The following HS3ST4 variants were observed in gnomAD, a reference collection of about 807,000 sequenced individuals.
HS3ST4 encodes the protein heparan sulfate-glucosamine 3-sulfotransferase 4.
In HS3ST4, 17 loss-of-function variants were observed where a neutral mutation model predicts 29.2. That is an observed-to-expected ratio of 0.58 (90% CI 0.40 to 0.87). The LOEUF is 0.87. Among genes scored for constraint, HS3ST4 ranks in the 40% least tolerant of loss-of-function variants. The pLI, the probability that HS3ST4 is intolerant of heterozygous loss-of-function variation, is 0.00. For missense variants in HS3ST4, 627 were observed against 634.5 expected, an observed-to-expected ratio of 0.99 and a Z score of 0.13; for synonymous variants, 314 against 285.7, an observed-to-expected ratio of 1.10 and a Z score of -1.00.
chr16:25,790,702 G>A (rs1297188060), intron 1 of HS3ST4, among the ~76,000 whole-genome samples: 3 of 151,976 alleles, frequency 2.0e-5, no homozygotes, highest in Non-Finnish European at 4.4e-5. Context: ...TCTCTCATGA[G>A]GTGCATTTTA....
At chr16:25,752,517 A>G (rs542421362) in intron 1 of HS3ST4, among the ~76,000 whole-genome samples, 1 of 152,288 alleles carries the variant, frequency 6.6e-6, no homozygotes, top group East Asian at 1.9e-4. Context: ...GGGAGGAAAA[A>G]AAAGGCAACA....
In HS3ST4 at chr16:25,804,184, A is replaced by G. The variant is rs555104909; in HGVS notation, c.734+111033A>G. Among the ~76,000 whole-genome samples the G allele has an allele frequency of 9.2e-5, 14 of 152,284 alleles. No individual in the cohort carries two copies. In the South Asian group the frequency reaches 2.9e-3, roughly 32 times the overall value. ...TGCTAGGTGTAGTCATGTTAATATGAATATATTTTATATTTCAGGATTTCT... is the reference window on the plus strand; with the variant it reads ...TGCTAGGTGTAGTCATGTTAATATGGATATATTTTATATTTCAGGATTTCT... On this transcript the variant is annotated intron_variant, in intron 1 of 1. Coordinates refer to ENST00000331351, the MANE Select transcript of HS3ST4 (RefSeq NM_006040.3).
chr16:25,764,578 A>G (rs145602420), intron 1 of HS3ST4, among the ~76,000 whole-genome samples: 2 of 152,324 alleles, frequency 1.3e-5, no homozygotes, highest in East Asian at 3.9e-4. Context: ...TGAAAATATC[A>G]TAGTTGCTTT....
intron 1 of HS3ST4, among the ~76,000 whole-genome samples, chr16:25,940,560 G>A (rs564957212): frequency 6.6e-6 from 1 of 152,160 alleles, no homozygotes; most frequent in Non-Finnish European, 1.5e-5. Flanking sequence ...AGCTGGGAGA[G>A]CTCTCATGTT....
intron 1 of HS3ST4, among the ~76,000 whole-genome samples, chr16:25,776,657 G>A (rs772567416): frequency 1.6e-4 from 25 of 152,266 alleles, no homozygotes; most frequent in South Asian, 2.1e-4. Context: ...GGATGATCAT[G>A]CCTACCGGAG....
chr16:25,967,539 C>T (rs147303672), intron 1 of HS3ST4, among the ~76,000 whole-genome samples: 216 of 152,202 alleles, frequency 1.4e-3, no homozygotes, highest in Middle Eastern at 6.8e-3. Context: ...TTAGGATCTG[C>T]GAAAAGAATT....
At chr16:25,901,541 G>A (rs1968119522) in intron 1 of HS3ST4, among the ~76,000 whole-genome samples, 2 of 152,244 alleles carry the variant, frequency 1.3e-5, no homozygotes, top group South Asian at 2.1e-4. Context: ...CGTGGTGGCT[G>A]GTGCACATCT....
At chr16:26,020,456 G>A (rs1463802531) in intron 1 of HS3ST4, among the ~76,000 whole-genome samples, 1 of 152,214 alleles carries the variant, frequency 6.6e-6, no homozygotes, top group African/African-American at 2.4e-5. Flanking sequence ...CCAAACGAGA[G>A]ATGATCAGAA....
At chr16:25,786,612 A>G (rs748016941) in intron 1 of HS3ST4, among the ~76,000 whole-genome samples, 2 of 151,968 alleles carry the variant, frequency 1.3e-5, no homozygotes, top group Non-Finnish European at 2.9e-5. Context: ...TTAACAATGG[A>G]CTCCCCTGAA....
At chr16:25,986,308 A>G (rs1050041785) in intron 1 of HS3ST4, among the ~76,000 whole-genome samples, 2 of 152,206 alleles carry the variant, frequency 1.3e-5, no homozygotes, top group African/African-American at 4.8e-5. Context: ...GGCCTTATGG[A>G]TGGATTAATC....
rs147657637 is a variant in HS3ST4 at position 25,946,456 on chromosome 16, C to A, written c.735-189156C>A. ...TAGTTATGTTCTTGTGTGCTTTGGG[C>A]AACCAGAGTAATCCATTGTCTTCTC... On this transcript the variant is annotated intron_variant, in intron 1 of 1. Coordinates refer to ENST00000331351, the MANE Select transcript of HS3ST4 (RefSeq NM_006040.3). Among the ~76,000 whole-genome samples the A allele has an allele frequency of 2.1e-3, 314 of 152,270 alleles. 1 individual carries two copies. Among genetic ancestry groups the A allele is most frequent in the African/African-American group, 5.9e-3 (247 of 41,554 alleles).
At chr16:25,904,197 T>A (rs556480749) in intron 1 of HS3ST4, among the ~76,000 whole-genome samples, 2 of 151,072 alleles carry the variant, frequency 1.3e-5, no homozygotes, top group South Asian at 2.1e-4. Context: ...GATGGACAGA[T>A]GAATGGATGG....
intron 1 of HS3ST4, among the ~76,000 whole-genome samples, chr16:25,745,453 T>G (rs551757816): frequency 2.0e-5 from 3 of 152,200 alleles, no homozygotes; most frequent in Non-Finnish European, 4.4e-5. Flanking sequence ...ACCATCCTTG[T>G]TAGATTTGCC....
At position 25,692,658 on chromosome 16, in the gene HS3ST4, C is replaced by T; in HGVS notation, c.241C>T (p.Pro81Ser). ...AAAEPPPSPP[P>S]PSLLPTPVRL... is the part of the protein sequence containing the mutation. ...CGCCGAGCCCCCGCCGAGCCCGCCG[C>T]CACCCTCTCTGCTGCCTACCCCCGT... Residue 81 changes from proline (P) to serine (S), a missense_variant, in exon 1 of 2, where the codon CCA becomes TCA. Physicochemically the swap from Pro to Ser is moderately conservative, Grantham distance 74. Coordinates refer to ENST00000331351, the MANE Select transcript of HS3ST4 (RefSeq NM_006040.3). The T allele has an allele frequency of 7.4e-7, 1 of 1,349,592 alleles. No individual in the cohort carries two copies. The highest frequency in any genetic ancestry group is 9.6e-7 in the Non-Finnish European group (1 of 1,042,314). 83.6% of individuals were successfully genotyped at this position (1,349,592 alleles called of 1,614,324 possible). A position where few individuals can be genotyped will look rare whatever the true frequency, so the allele number is the denominator to read the frequency against.
At chr16:25,994,638 T>A (rs3936170) in intron 1 of HS3ST4, among the ~76,000 whole-genome samples, 9,152 of 152,304 alleles carry the variant, frequency 0.06, 325 homozygotes, top group African/African-American at 0.11. Flanking sequence ...ACCTTTTATA[T>A]GTTGTTAATA....
At chr16:26,120,941 C>A (rs114455267) in intron 1 of HS3ST4, among the ~76,000 whole-genome samples, 1 of 152,184 alleles carries the variant, frequency 6.6e-6, no homozygotes, top group Non-Finnish European at 1.5e-5. Context: ...TGTGTAATAG[C>A]GACAATAATT....
chr16:25,798,866 G>C (rs1352170111), intron 1 of HS3ST4, among the ~76,000 whole-genome samples: 9 of 152,142 alleles, frequency 5.9e-5, no homozygotes, highest in African/African-American at 1.9e-4. Context: ...CATCAGACAT[G>C]CCCGTCTGCC....
intron 1 of HS3ST4, among the ~76,000 whole-genome samples, chr16:25,696,568 G>A (rs544788034): frequency 1.3e-5 from 2 of 151,688 alleles, no homozygotes; most frequent in East Asian, 3.9e-4. Context: ...GCGCAATCTC[G>A]TCTCACTGCA....
chr16:25,988,106 G>A (rs1284389929), intron 1 of HS3ST4, among the ~76,000 whole-genome samples: 2 of 152,182 alleles, frequency 1.3e-5, no homozygotes, highest in Non-Finnish European at 2.9e-5. Context: ...GACATCTGAA[G>A]TTGACCAGCA....
Sources: allele counts gnomAD v4.1 joint callset (sites outside exome capture counted in the v4.1 genomes callset), GRCh38; gene constraint gnomAD v4.1.1; transcripts MANE v1.5; gene names NCBI Gene and HGNC (gene_info 2026-07-23, HGNC 2026-07-21).